Variants in SORT1 observed in about 807,000 individuals in gnomAD.
The protein encoded by SORT1 is sortilin.
SORT1 carries 39 observed loss-of-function variants against 101.7 expected under a neutral mutation model. The ratio of observed to expected loss-of-function variants is 0.38; its 90% confidence interval spans 0.30 to 0.50. The LOEUF (loss-of-function observed/expected upper bound fraction) is 0.50. Ranked by LOEUF, SORT1 falls within the 20% of genes least tolerant of loss-of-function variation. The pLI is 0.90. For synonymous variants in SORT1, 396 were observed against 393.7 expected, an observed-to-expected ratio of 1.01 and a Z score of -0.07; for missense variants, 878 against 1,040.4, an observed-to-expected ratio of 0.84 and a Z score of 2.15.
chr1:109,324,405 G>A (rs1461648308), intron 14 of SORT1, among the ~76,000 whole-genome samples: 1 of 152,130 alleles, frequency 6.6e-6, no homozygotes, highest in Non-Finnish European at 1.5e-5. Context: ...CAAAGTGCTA[G>A]GATTACAGGC....
rs1248272333 is a variant in SORT1, at chr1:109,310,773, C to T, written c.*3270G>A. 1 of 152,320 alleles carries T rather than the reference C, an allele frequency of 6.6e-6. No homozygotes were observed. The highest frequency in any genetic ancestry group is 6.5e-5 in the Admixed American group (1 of 15,280). 9.4% of individuals were successfully genotyped at this position (152,320 alleles called of 1,614,324 possible). On this transcript the variant is annotated 3_prime_UTR_variant, in exon 20 of 20. Transcript: ENST00000256637. ...AACTAAATAATGACTAATGCCAGGCCAGCCCCGTTACCCTGGGGTGGGTAT... is the reference window on the plus strand; with the variant it reads ...AACTAAATAATGACTAATGCCAGGCTAGCCCCGTTACCCTGGGGTGGGTAT...
rs1030499206 is a variant in SORT1 at position 109,312,293 on chromosome 1, T to A, written c.*1750A>T. ...CAAAATGAATAAGCAAAAAGACTAG[T>A]GCACTCCAGCCCTAACCATATTATC... On this transcript the variant is annotated 3_prime_UTR_variant, in exon 20 of 20. Transcript: ENST00000256637. 1 of 152,616 alleles carries A rather than the reference T, an allele frequency of 6.6e-6. No homozygotes were observed. Among genetic ancestry groups the A allele is most frequent in the African/African-American group, 2.4e-5 (1 of 41,434 alleles). The allele number at this position is 152,616 out of a possible 1,614,324, so 9.5% of individuals were successfully genotyped here.
chr1:109,335,400 GA>G lies in SORT1; in HGVS notation c.1371+839del, dbSNP rs1648742482. Reference sequence around the variant, plus strand: ...GCAGACAGATGGGAAACAGGGGTCAGAAAGTCGGGTAGATGCAACAGTGCTT... The same window carrying G: ...GCAGACAGATGGGAAACAGGGGTCAGAAGTCGGGTAGATGCAACAGTGCTT... On this transcript the variant is annotated intron_variant, in intron 11 of 19. Transcript: ENST00000256637. Among the ~76,000 whole-genome samples, 4 of 152,350 alleles carry G rather than the reference GA, an allele frequency of 2.6e-5. No homozygotes were observed. The South Asian group carries it at 8.3e-4, about 32-fold the overall frequency.
At chr1:109,374,402 G>A (rs1474311769) in intron 1 of SORT1, among the ~76,000 whole-genome samples, 3 of 151,906 alleles carry the variant, frequency 2.0e-5, no homozygotes, top group South Asian at 2.1e-4. Context: ...GTAAAATCCC[G>A]TCTCCACTAA....
At chr1:109,369,900 G>A (rs1272649840) in intron 1 of SORT1, among the ~76,000 whole-genome samples, 1 of 152,124 alleles carries the variant, frequency 6.6e-6, no homozygotes, top group Admixed American at 6.5e-5. Context: ...AAATATAAAG[G>A]TATAGCAAAG....
At position 109,378,510 on chromosome 1, in the gene SORT1, A is replaced by C. The variant is rs188690405; in HGVS notation, c.307-8921T>G. Among the ~76,000 whole-genome samples, 85 of 151,570 alleles carry C rather than the reference A, an allele frequency of 5.6e-4. No homozygotes were observed. In the Middle Eastern group the frequency reaches 0.02, roughly 36 times the overall value. ...AAGGCAAAGTAAGAAGAATAAATGA[A>C]ATATGAGCAGAGGATAAAGCTTTGT... On this transcript the variant is annotated intron_variant, in intron 1 of 19. Transcript: ENST00000256637.
At chr1:109,332,753 C>A (rs1191643965) in intron 11 of SORT1, among the ~76,000 whole-genome samples, 1 of 151,808 alleles carries the variant, frequency 6.6e-6, no homozygotes. Flanking sequence ...ATGGTACTGG[C>A]GTTAAAAACA....
At chr1:109,376,109 G>A (rs750084357) in intron 1 of SORT1, among the ~76,000 whole-genome samples, 1 of 152,102 alleles carries the variant, frequency 6.6e-6, no homozygotes, top group Non-Finnish European at 1.5e-5. Flanking sequence ...TTGGGAGGCC[G>A]AGGCGGGCGG....
chr1:109,366,252 A>G (rs1651081215), intron 3 of SORT1, among the ~76,000 whole-genome samples: 1 of 151,632 alleles, frequency 6.6e-6, no homozygotes, highest in African/African-American at 2.4e-5. Flanking sequence ...TCCAGAACAC[A>G]TGTTACCACC....
chr1:109,371,753 A>C (rs79855388), intron 1 of SORT1, among the ~76,000 whole-genome samples: 40 of 152,274 alleles, frequency 2.6e-4, no homozygotes, highest in African/African-American at 9.4e-4. Context: ...CATCATCCAA[A>C]GAGTTCCTTT....
At chr1:109,368,068 C>T (rs1032536343) in intron 2 of SORT1, among the ~76,000 whole-genome samples, 2 of 151,826 alleles carry the variant, frequency 1.3e-5, no homozygotes, top group Admixed American at 6.6e-5. Flanking sequence ...CTGAGGCGGA[C>T]GGATCACTTG....
chr1:109,330,687 TG>T (rs1304018314), intron 11 of SORT1, among the ~76,000 whole-genome samples: 6 of 151,902 alleles, frequency 3.9e-5, no homozygotes, highest in African/African-American at 7.2e-5. Context: ...AACTTAGAGT[TG>T]TTTTTTTTGA....
At chr1:109,321,959 C>A (rs1647661316) in intron 15 of SORT1, among the ~76,000 whole-genome samples, 1 of 152,150 alleles carries the variant, frequency 6.6e-6, no homozygotes, top group Admixed American at 6.5e-5. Context: ...GGCCTCTAAA[C>A]CTTGATGGGA....
chr1:109,387,360 A>G (rs1244688338), intron 1 of SORT1, among the ~76,000 whole-genome samples: 1 of 151,196 alleles, frequency 6.6e-6, no homozygotes, highest in Non-Finnish European at 1.5e-5. Context: ...AGGCACAGGG[A>G]TATGTGCCTG....
chr1:109,323,156 A>G lies in SORT1; in HGVS notation c.1835-35T>C, dbSNP rs1219187432. ...AGACACACTGTTCAGGAAAGTACAC[A>G]GCACAGAACCCACCCACGGGAGGCA... On this transcript the variant is annotated intron_variant, in intron 14 of 19. Transcript: ENST00000256637. 6 of 1,528,888 alleles carry G rather than the reference A, an allele frequency of 3.9e-6. No homozygotes were observed. The African/African-American group carries it at 5.5e-5, about 14-fold the overall frequency. 94.7% of individuals were successfully genotyped at this position (1,528,888 alleles called of 1,614,324 possible). A position where few individuals can be genotyped will look rare whatever the true frequency, so the allele number is the denominator to read the frequency against.
Position 109,314,370 on chromosome 1 carries a change from C to T in SORT1, c.2372G>A (p.Arg791Gln), listed in dbSNP as rs1274032293. ...YVCGGRFLVH[R>Q]YSVLQQHAEA... is the part of the protein sequence containing the mutation. Reference sequence around the variant, plus strand: ...TGCATGCTGCTGCAGCACAGAGTATCGATGCACCAGGAACCTGTGAACAGA... The same window carrying T: ...TGCATGCTGCTGCAGCACAGAGTATTGATGCACCAGGAACCTGTGAACAGA... The change falls in exon 19 of 20, where the codon CGA becomes CAA. Residue 791 changes from arginine (R) to glutamine (Q), a missense_variant. Around this residue, in one of 2 missense-constraint regions of SORT1, gnomAD observed 684 missense variants for 894.5 expected, o/e 0.76. Transcript: ENST00000256637. 3.1e-6 allele frequency: 5 copies of T among 1,613,914 alleles called. No individual in the cohort carries two copies. The highest frequency in any genetic ancestry group is 2.2e-5 in the East Asian group (1 of 44,872).
intron 3 of SORT1, among the ~76,000 whole-genome samples, chr1:109,363,999 C>T (rs1283326529): frequency 6.6e-6 from 1 of 152,134 alleles, no homozygotes; most frequent in Admixed American, 6.5e-5. Flanking sequence ...CGCCTAAACT[C>T]TGGAAGTGGG....
At chr1:109,375,897 AC>A (rs1254278385) in intron 1 of SORT1, among the ~76,000 whole-genome samples, 3 of 152,180 alleles carry the variant, frequency 2.0e-5, no homozygotes, top group Non-Finnish European at 2.9e-5. Context: ...ACAATGAGAT[AC>A]CATCTCATAC....
chr1:109,314,341 C>T lies in SORT1; in HGVS notation c.2401G>A (p.Ala801Thr), dbSNP rs771946413. The stretch of plus-strand genomic sequence containing the variant: ...GCATCCACACCATCCACACCATTGG[C>T]CTCTGCATGCTGCTGCAGCACAGAG... ...RYSVLQQHAE[A>T]NGVDGVDALD... The change falls in exon 19 of 20, where the codon GCC (alanine) becomes ACC (threonine). Residue 801 changes from alanine to threonine, a missense_variant. Coordinates refer to ENST00000256637, the MANE Select transcript of SORT1 (RefSeq NM_002959.7). 1.2e-6 allele frequency: 2 copies of T among 1,613,852 alleles called. No homozygotes were observed. Among genetic ancestry groups the T allele is most frequent in the African/African-American group, 2.7e-5 (2 of 74,854 alleles).
Sources: allele counts gnomAD v4.1 joint callset (sites outside exome capture counted in the v4.1 genomes callset), GRCh38; gene constraint gnomAD v4.1.1; regional missense constraint gnomAD v4.1.1; transcripts MANE v1.5; gene names NCBI Gene and HGNC (gene_info 2026-07-23, HGNC 2026-07-21).